Variants in SIK3 observed in about 807,000 individuals in gnomAD.
SIK3 encodes SIK family kinase 3.
In SIK3, 28 loss-of-function variants were observed where a neutral mutation model predicts 144.2. The ratio of observed to expected loss-of-function variants is 0.19; its 90% CI spans 0.14 to 0.27. SIK3 has a LOEUF of 0.27. Among genes scored for constraint, SIK3 ranks in the 10% least tolerant of loss-of-function variants. The pLI is 1.00. For missense variants in SIK3, 1,319 were observed against 1,776.0 expected, an observed-to-expected ratio of 0.74 and a Z score of 4.62; for synonymous variants, 686 against 676.3, an observed-to-expected ratio of 1.01 and a Z score of -0.22.
chr11:116,896,347 C>T lies in SIK3; in HGVS notation c.771G>A (p.Val257=), dbSNP rs1945398186. The T allele has an allele frequency of 1.2e-6, 2 of 1,613,922 alleles. No homozygotes were observed. The highest frequency in any genetic ancestry group is 2.7e-5 in the African/African-American group (2 of 74,914). The change falls in exon 6 of 25, where the codon GTG becomes GTA. Residue 257 remains valine (V), a synonymous_variant. Transcript: ENST00000445177. ...WSLGVVLYVL[V]CGALPFDGST... is the part of the protein sequence containing the mutation. ...TTCCATCAAATGGCAGGGCACCGCACACAAGCACGTAGAGGACAACTCCAA... is the reference window on the plus strand; with the variant it reads ...TTCCATCAAATGGCAGGGCACCGCATACAAGCACGTAGAGGACAACTCCAA...
At chr11:117,084,622 C>T (rs186459332) in intron 1 of SIK3, among the ~76,000 whole-genome samples, 1 of 152,146 alleles carries the variant, frequency 6.6e-6, no homozygotes, top group African/African-American at 2.4e-5. Context: ...TTTTCCCAAA[C>T]CTATTTATAC....
At chr11:116,850,550 G>A (rs1942345699) in intron 21 of SIK3, among the ~76,000 whole-genome samples, 1 of 152,152 alleles carries the variant, frequency 6.6e-6, no homozygotes. Flanking sequence ...AAAAGACTTT[G>A]TCTCTGATTG....
intron 1 of SIK3, among the ~76,000 whole-genome samples, chr11:117,034,627 A>G (rs75470345): frequency 1.3e-5 from 2 of 152,234 alleles, no homozygotes; most frequent in South Asian, 2.1e-4. Context: ...GTAGTAATGT[A>G]TAAGTAATCA....
At chr11:116,911,829 T>C (rs1051103127) in intron 4 of SIK3, among the ~76,000 whole-genome samples, 4 of 152,144 alleles carry the variant, frequency 2.6e-5, no homozygotes, top group Admixed American at 2.6e-4. Context: ...CTGATGCCGA[T>C]AAAATACTTG....
intron 1 of SIK3, among the ~76,000 whole-genome samples, chr11:117,077,112 C>T (rs1485722366): frequency 6.6e-6 from 1 of 152,186 alleles, no homozygotes; most frequent in East Asian, 1.9e-4. Context: ...GCTACAATCA[C>T]ACCACACTGC....
chr11:117,021,774 G>A (rs898773489), intron 1 of SIK3, among the ~76,000 whole-genome samples: 13 of 151,430 alleles, frequency 8.6e-5, no homozygotes, highest in East Asian at 1.9e-4. Context: ...TCTGGGCAAC[G>A]TAACAAGACG....
At chr11:116,914,377 T>C (rs534362396) in intron 4 of SIK3, among the ~76,000 whole-genome samples, 15 of 152,084 alleles carry the variant, frequency 9.9e-5, no homozygotes, top group African/African-American at 3.6e-4. Flanking sequence ...GCTGGCTGAT[T>C]TTTGTATTTT....
chr11:116,887,945 T>A (rs1944909869), intron 6 of SIK3, among the ~76,000 whole-genome samples: 1 of 152,224 alleles, frequency 6.6e-6, no homozygotes, highest in African/African-American at 2.4e-5. Context: ...AGGAAACTTG[T>A]GTCAAACAAA....
At chr11:117,024,223 G>A (rs2135759649) in intron 1 of SIK3, among the ~76,000 whole-genome samples, 1 of 151,152 alleles carries the variant, frequency 6.6e-6, no homozygotes, top group African/African-American at 2.4e-5. Flanking sequence ...AAATGTTTAT[G>A]CCTTTTCTCC....
Position 116,942,445 on chromosome 11 carries a change from G to A in SIK3, c.454+11599C>T, listed in dbSNP as rs531882230. ...AAAATGACAAAGTCTTTAATGGCAC[G>A]TAAATTTTATTGACTCAAGACAGTA... On this transcript the variant is annotated intron_variant, in intron 3 of 24. Coordinates refer to ENST00000445177, the MANE Select transcript of SIK3 (RefSeq NM_001366686.3). Among the ~76,000 whole-genome samples, 16 of 152,198 alleles carry A rather than the reference G, an allele frequency of 1.1e-4. No individual in the cohort carries two copies. The South Asian group carries it at 1.9e-3, about 18-fold the overall frequency.
At chr11:116,847,381 T>A (rs1942057500) in intron 23 of SIK3, 95 bp downstream of exon 23, 1 of 1,545,278 alleles carries the variant, frequency 6.5e-7, no homozygotes, top group Non-Finnish European at 8.9e-7. Flanking sequence ...TACCTCCCCA[T>A]GAGCTCTTCC....
At chr11:117,013,782 T>A (rs1227478620) in intron 1 of SIK3, among the ~76,000 whole-genome samples, 1 of 148,180 alleles carries the variant, frequency 6.7e-6, no homozygotes, top group Non-Finnish European at 1.5e-5. Context: ...CTTAAGCCAA[T>A]CCCTTATTTT....
At chr11:116,966,996 T>G (rs1208756816) in intron 1 of SIK3, among the ~76,000 whole-genome samples, 1 of 101,414 alleles carries the variant, frequency 9.9e-6, no homozygotes, top group Non-Finnish European at 1.8e-5. Context: ...AGAGCAAGAC[T>G]CTGTTTCAAA....
intron 6 of SIK3, among the ~76,000 whole-genome samples, chr11:116,883,078 C>T (rs1483358345): frequency 1.3e-5 from 2 of 152,164 alleles, no homozygotes; most frequent in South Asian, 2.1e-4. Context: ...TTGTCCAGCT[C>T]GGGTACCAGC....
intron 1 of SIK3, among the ~76,000 whole-genome samples, chr11:116,995,086 A>G (rs6589584): frequency 1 from 151,941 of 151,944 alleles, 75,969 homozygotes; most frequent in Middle Eastern, 1. Flanking sequence ...TGGGCAACAT[A>G]GTGAAACCTT....
intron 1 of SIK3, among the ~76,000 whole-genome samples, chr11:117,018,377 T>C (rs1486280639): frequency 6.6e-6 from 1 of 152,238 alleles, no homozygotes; most frequent in South Asian, 2.1e-4. Flanking sequence ...AAACCTGTGT[T>C]GTGCAGGGGT....
chr11:117,044,342 T>C (rs1361540262), intron 1 of SIK3, among the ~76,000 whole-genome samples: 3 of 152,214 alleles, frequency 2.0e-5, no homozygotes, highest in Non-Finnish European at 4.4e-5. Context: ...ACTTATACTT[T>C]TCTTATTCTA....
At chr11:117,008,075 C>CAAAAAAAAAAA (rs59486431) in intron 1 of SIK3, among the ~76,000 whole-genome samples, 1 of 54,666 alleles carries the variant, frequency 1.8e-5, no homozygotes, top group African/African-American at 7.0e-5. Context: ...GACTCCATCT[C>CAAAAAAAAAAA]AAAAAAAAAA....
At chr11:117,054,639 C>T (rs1953426612) in intron 1 of SIK3, among the ~76,000 whole-genome samples, 2 of 152,130 alleles carry the variant, frequency 1.3e-5, no homozygotes, top group Non-Finnish European at 2.9e-5. Context: ...GCACAATCAA[C>T]AGTACTTGAT....
Sources: gnomAD v4.1 joint callset for allele counts (sites outside exome capture counted in the v4.1 genomes callset) on GRCh38, gnomAD v4.1.1 for gene constraint, MANE v1.5 for transcripts, NCBI Gene and HGNC (gene_info 2026-07-23, HGNC 2026-07-21) for gene names.